FBXO10: variants seen among roughly 807,000 people sequenced by gnomAD.
The protein encoded by FBXO10 is F-box protein 10, also known as F-box only protein 10.
A neutral mutation model predicts 80.7 loss-of-function variants in FBXO10; 39 were observed. The ratio of observed to expected loss-of-function variants is 0.48; its 90% confidence interval spans 0.37 to 0.63. The LOEUF (loss-of-function observed/expected upper bound fraction) is 0.63, where lower values mean the gene tolerates loss of function less well. Among genes scored for constraint, FBXO10 ranks in the 30% least tolerant of loss-of-function variants. The pLI is 0.00. For missense variants in FBXO10, 1,025 were observed against 1,269.0 expected, an observed-to-expected ratio of 0.81 and a Z score of 2.92; for synonymous variants, 449 against 489.6, an observed-to-expected ratio of 0.92 and a Z score of 1.09.
intron 4 of FBXO10, among the ~76,000 whole-genome samples, 155 bp from the exon 5 acceptor site, chr9:37,529,415 CACT>C (rs1821560810): frequency 6.6e-6 from 1 of 152,306 alleles, no homozygotes; most frequent in African/African-American, 2.4e-5. Context: ...GAATGGGTCA[CACT>C]GCCGCCCTGC....
chr9:37,529,048 G>A (rs761226285), intron 5 of FBXO10, 76 bp downstream of exon 5: 12 of 1,577,394 alleles, frequency 7.6e-6, no homozygotes, highest in South Asian at 1.2e-5. Flanking sequence ...AGTTGTTTCC[G>A]TAAAGAGTGT....
At chr9:37,551,201 CACA>C (rs1822189958) in intron 1 of FBXO10, among the ~76,000 whole-genome samples, 1 of 152,242 alleles carries the variant, frequency 6.6e-6, no homozygotes, top group South Asian at 2.1e-4. Flanking sequence ...ACTTTCTGGA[CACA>C]ACGTGTTGGG....
chr9:37,539,582 A>G (rs1483390967), intron 2 of FBXO10, among the ~76,000 whole-genome samples: 5 of 152,236 alleles, frequency 3.3e-5, no homozygotes, highest in Non-Finnish European at 7.3e-5. Flanking sequence ...GAATAAATGT[A>G]TTACAAAATG....
intron 1 of FBXO10, among the ~76,000 whole-genome samples, chr9:37,574,595 A>G (rs946642119): frequency 6.6e-6 from 1 of 152,198 alleles, no homozygotes; most frequent in African/African-American, 2.4e-5. Context: ...CAGTCTCTCA[A>G]ATCTCACCAG....
In FBXO10 at chr9:37,523,467, C is replaced by T. The variant is rs557400470; in HGVS notation, c.1778-490G>A. The stretch of plus-strand genomic sequence containing the variant: ...TTCTTGGGAGGCTGGGTGGGAGGAT[C>T]ACTTGAACCCTGGAGGTCAGGGCTG... On this transcript the variant is annotated intron_variant, in intron 6 of 10. Transcript: ENST00000432825. 3.9e-5 allele frequency among the ~76,000 whole-genome samples: 6 copies of T among 151,928 alleles called. No homozygotes were observed. In the South Asian group the frequency reaches 1.2e-3, roughly 32 times the overall value.
chr9:37,526,480 C>A (rs939682527), intron 5 of FBXO10, among the ~76,000 whole-genome samples: 2 of 152,328 alleles, frequency 1.3e-5, no homozygotes, highest in East Asian at 3.9e-4. Context: ...AAAACTCTTT[C>A]ATGGTTCCCC....
chr9:37,549,107 C>T (rs1241552278), intron 1 of FBXO10, among the ~76,000 whole-genome samples: 1 of 152,136 alleles, frequency 6.6e-6, no homozygotes, highest in Non-Finnish European at 1.5e-5. Context: ...CTCAGTGGTT[C>T]CCCATGGAGT....
chr9:37,565,189 G>GT (rs1822573014), intron 1 of FBXO10, among the ~76,000 whole-genome samples: 1 of 152,110 alleles, frequency 6.6e-6, no homozygotes, highest in Non-Finnish European at 1.5e-5. Context: ...CACCATGATT[G>GT]TAAGTTTCCT....
Position 37,521,961 on chromosome 9 carries a change from C to T in FBXO10, c.1931-123G>A, listed in dbSNP as rs182988825. On this transcript the variant is annotated intron_variant, in intron 7 of 10. Transcript: ENST00000432825. ...AGAGTCCCTGCCTTGCTAATGACCT[C>T]GGACAAGCCACCTGATGGCTCTAGC... The T allele has an allele frequency of 1.5e-5, 16 of 1,100,016 alleles. No individual in the cohort carries two copies. The South Asian group carries it at 2.0e-4, about 14-fold the overall frequency. The allele number at this position is 1,100,016 out of a possible 1,614,324, so 68.1% of individuals were successfully genotyped here.
intron 1 of FBXO10, among the ~76,000 whole-genome samples, chr9:37,562,662 C>T (rs1026325331): frequency 2.6e-5 from 4 of 152,164 alleles, no homozygotes; most frequent in Non-Finnish European, 5.9e-5. Context: ...AATAATCACC[C>T]TCATCATTAT....
intron 1 of FBXO10, among the ~76,000 whole-genome samples, chr9:37,542,782 C>T (rs947265561): frequency 1.3e-5 from 2 of 152,140 alleles, no homozygotes; most frequent in African/African-American, 4.8e-5. Flanking sequence ...TTGGAATCTA[C>T]AGTTCTTCCT....
chr9:37,551,341 T>C (rs995890321), intron 1 of FBXO10, among the ~76,000 whole-genome samples: 4 of 152,188 alleles, frequency 2.6e-5, no homozygotes, highest in African/African-American at 9.7e-5. Flanking sequence ...CTGGTGGCTC[T>C]ACAGGTCTGG....
At chr9:37,535,454 C>T (rs1187256883) in intron 3 of FBXO10, among the ~76,000 whole-genome samples, 1 of 152,070 alleles carries the variant, frequency 6.6e-6, no homozygotes, top group African/African-American at 2.4e-5. Flanking sequence ...CGGGTTCAAG[C>T]AATTCTCCTG....
chr9:37,538,097 AG>A (rs1821821150), intron 2 of FBXO10, among the ~76,000 whole-genome samples, 154 bp from the exon 3 acceptor site: 1 of 152,090 alleles, frequency 6.6e-6, no homozygotes, highest in South Asian at 2.1e-4. Flanking sequence ...TGTCCCCAAA[AG>A]GAACTGGGGA....
chr9:37,530,925 G>A (rs572645141), intron 4 of FBXO10, among the ~76,000 whole-genome samples: 37 of 152,314 alleles, frequency 2.4e-4, no homozygotes, highest in African/African-American at 8.9e-4. Flanking sequence ...ACAGGCATAA[G>A]CCACTGTGCC....
intron 1 of FBXO10, among the ~76,000 whole-genome samples, chr9:37,568,048 C>G (rs1287194835): frequency 2.0e-5 from 3 of 152,122 alleles, no homozygotes; most frequent in African/African-American, 7.2e-5. Flanking sequence ...CAAACTCAGA[C>G]AATTAAGGTG....
At chr9:37,556,153 T>C (rs998703726) in intron 1 of FBXO10, among the ~76,000 whole-genome samples, 9 of 152,350 alleles carry the variant, frequency 5.9e-5, no homozygotes, top group Admixed American at 5.2e-4. Flanking sequence ...TGTGGGATTA[T>C]TTCTGGACTA....
At position 37,521,558 on chromosome 9, in the gene FBXO10, G is replaced by C. The variant is rs41278309; in HGVS notation, c.2200+11C>G. The stretch of plus-strand genomic sequence containing the variant: ...AAGGTTCTTGAGCAGGGGCTGAGGG[G>C]GTATACTCACCTCCATTGTGATTAA... On this transcript the variant is annotated intron_variant, in intron 8 of 10. Transcript: ENST00000432825. 1,720 of 1,588,294 alleles carry C rather than the reference G, an allele frequency of 1.1e-3. 3 individuals carry two copies. Among genetic ancestry groups the C allele is most frequent in the Non-Finnish European group, 1.1e-3 (1,326 of 1,162,350 alleles).
At chr9:37,523,177 G>C (rs1299883563) in intron 6 of FBXO10, among the ~76,000 whole-genome samples, 200 bp from the exon 7 acceptor site, 1 of 149,170 alleles carries the variant, frequency 6.7e-6, no homozygotes, top group Non-Finnish European at 1.5e-5. Context: ...CAAGGGCAAG[G>C]CTTGTGTCTA....
Sources: allele counts gnomAD v4.1 joint callset (sites outside exome capture counted in the v4.1 genomes callset), GRCh38; gene constraint gnomAD v4.1.1; transcripts MANE v1.5; gene names NCBI Gene and HGNC (gene_info 2026-07-23, HGNC 2026-07-21).